HAPLN1: variants seen among roughly 807,000 people sequenced by gnomAD.
HAPLN1 encodes hyaluronan and proteoglycan link protein 1, also known as Cartilage link protein.
Under a neutral mutation model 36.5 loss-of-function variants are expected in HAPLN1, and 13 were observed. The observed-to-expected ratio is 0.36, with a 90% CI of 0.23 to 0.57. The LOEUF is 0.57. Among genes scored for constraint, HAPLN1 ranks in the 20% least tolerant of loss-of-function variants. The pLI is 0.83. For missense variants in HAPLN1, 407 were observed against 439.7 expected (o/e 0.93, Z 0.66); for synonymous variants, 202 against 169.8 (o/e 1.19, Z -1.48).
At chr5:83,657,676 A>T (rs901970718) in intron 2 of HAPLN1, among the ~76,000 whole-genome samples, 15 of 152,134 alleles carry the variant, frequency 9.9e-5, no homozygotes, top group African/African-American at 3.6e-4. Context: ...AATGTTAAAA[A>T]ACAAGTTTGT....
chr5:83,659,053 C>T (rs138241097), intron 2 of HAPLN1, among the ~76,000 whole-genome samples: 235 of 152,204 alleles, frequency 1.5e-3, no homozygotes, highest in African/African-American at 5.3e-3. Context: ...GTAGGTGGAT[C>T]ACCTGAGGTC....
intron 1 of HAPLN1, 97 bp from the exon 2 acceptor site, chr5:83,673,646 G>A (rs1482083770): frequency 2.0e-5 from 14 of 705,900 alleles, no homozygotes; most frequent in Non-Finnish European, 2.4e-6. Context: ...CATAGAATGG[G>A]TCTGTAAAAA....
chr5:83,660,238 T>A (rs955105954), intron 2 of HAPLN1, among the ~76,000 whole-genome samples: 2 of 152,162 alleles, frequency 1.3e-5, no homozygotes, highest in African/African-American at 4.8e-5. Context: ...GGGAAACTGC[T>A]CAATACCAAA....
At chr5:83,650,030 G>A (rs1368317486) in intron 3 of HAPLN1, among the ~76,000 whole-genome samples, 1 of 152,182 alleles carries the variant, frequency 6.6e-6, no homozygotes, top group East Asian at 1.9e-4. Flanking sequence ...CAGCTACCAC[G>A]AGCACAGGAC....
At chr5:83,710,820 A>G (rs1387623099) in intron 1 of HAPLN1, among the ~76,000 whole-genome samples, 3 of 151,968 alleles carry the variant, frequency 2.0e-5, no homozygotes, top group African/African-American at 7.3e-5. Context: ...GTGTGGTGGC[A>G]GGCGCCTGTA....
intron 1 of HAPLN1, among the ~76,000 whole-genome samples, chr5:83,696,766 C>T (rs980246356): frequency 6.6e-6 from 1 of 152,052 alleles, no homozygotes; most frequent in Non-Finnish European, 1.5e-5. Context: ...TTTCTTTGCT[C>T]TAATTACAAA....
rs936466055 is a variant in HAPLN1, at chr5:83,691,770, A to C, written c.-26-18221T>G. ...ATAATAATAGTAATAATAATAATAA[A>C]GAGAAAACTTAGTCAATGGGCAGAC... is the stretch of plus-strand genomic sequence containing the variant. On this transcript the variant is annotated intron_variant, in intron 1 of 4. Coordinates refer to ENST00000274341, the MANE Select transcript of HAPLN1 (RefSeq NM_001884.4). Among the ~76,000 whole-genome samples, 3 of 151,990 alleles carry C rather than the reference A, an allele frequency of 2.0e-5. No homozygotes were observed. The East Asian group carries it at 5.8e-4, about 29-fold the overall frequency.
At chr5:83,701,359 A>C (rs1216903187) in intron 1 of HAPLN1, among the ~76,000 whole-genome samples, 4 of 152,262 alleles carry the variant, frequency 2.6e-5, no homozygotes, top group Non-Finnish European at 4.4e-5. Context: ...GAATTTCCTA[A>C]TAAGTCATCT....
In HAPLN1 at chr5:83,684,058, A is replaced by G. The variant is rs551782802; in HGVS notation, c.-26-10509T>C. On this transcript the variant is annotated intron_variant, in intron 1 of 4. Coordinates refer to ENST00000274341, the MANE Select transcript of HAPLN1 (RefSeq NM_001884.4). ...AAGAGGCCAAGGAGTAGTGTTCTTT[A>G]GTGGTAATGAACATCTGCGAAGAGA... is the stretch of plus-strand genomic sequence containing the variant. 1.8e-4 allele frequency among the ~76,000 whole-genome samples: 27 copies of G among 152,246 alleles called. 1 individual carries two copies. The South Asian group carries it at 3.9e-3, about 22-fold the overall frequency.
intron 1 of HAPLN1, among the ~76,000 whole-genome samples, chr5:83,676,805 T>G (rs1316025106): frequency 6.6e-6 from 1 of 152,168 alleles, no homozygotes; most frequent in Admixed American, 6.5e-5. Context: ...AATTCACACA[T>G]TGAAGGTCTC....
intron 2 of HAPLN1, among the ~76,000 whole-genome samples, chr5:83,664,591 C>T (rs908991148): frequency 6.6e-6 from 1 of 152,104 alleles, no homozygotes; most frequent in African/African-American, 2.4e-5. Flanking sequence ...CCATGTTGGC[C>T]AGGCTGGTCT....
At chr5:83,679,151 A>G (rs567136867) in intron 1 of HAPLN1, among the ~76,000 whole-genome samples, 1 of 152,320 alleles carries the variant, frequency 6.6e-6, no homozygotes, top group Admixed American at 6.5e-5. Context: ...AATCTCTAAG[A>G]ATACCTTAGC....
At chr5:83,696,694 G>C (rs977784920) in intron 1 of HAPLN1, among the ~76,000 whole-genome samples, 4 of 152,022 alleles carry the variant, frequency 2.6e-5, no homozygotes, top group Non-Finnish European at 5.9e-5. Flanking sequence ...TCTTGCCTGT[G>C]TATAATTTTA....
intron 1 of HAPLN1, among the ~76,000 whole-genome samples, chr5:83,719,440 A>G (rs549488325): frequency 6.6e-6 from 1 of 152,230 alleles, no homozygotes; most frequent in African/African-American, 2.4e-5. Context: ...GGTCATCAAC[A>G]AAAGTATAAA....
intron 2 of HAPLN1, among the ~76,000 whole-genome samples, chr5:83,657,775 G>A (rs1164742548): frequency 2.0e-5 from 3 of 150,460 alleles, no homozygotes; most frequent in African/African-American, 7.3e-5. Context: ...CTAGACTCGA[G>A]ACTTTTGGAT....
At chr5:83,677,363 T>G (rs1750883954) in intron 1 of HAPLN1, among the ~76,000 whole-genome samples, 1 of 152,224 alleles carries the variant, frequency 6.6e-6, no homozygotes, top group African/African-American at 2.4e-5. Context: ...TGACGAGTGC[T>G]GTCGGCTCTC....
At chr5:83,662,792 A>G (rs532860437) in intron 2 of HAPLN1, among the ~76,000 whole-genome samples, 1 of 152,296 alleles carries the variant, frequency 6.6e-6, no homozygotes, top group South Asian at 2.1e-4. Flanking sequence ...GACCACTTCC[A>G]CTTTGTGGTA....
chr5:83,720,633 G>A (rs1256292579), intron 1 of HAPLN1, among the ~76,000 whole-genome samples, 156 bp downstream of exon 1: 1 of 152,178 alleles, frequency 6.6e-6, no homozygotes, highest in Admixed American at 6.5e-5. Context: ...TTTTTTAAAA[G>A]TTGAGGTGTC....
chr5:83,710,591 G>T (rs1751757804), intron 1 of HAPLN1, among the ~76,000 whole-genome samples: 1 of 151,964 alleles, frequency 6.6e-6, no homozygotes, highest in South Asian at 2.1e-4. Flanking sequence ...ATTGACAGAA[G>T]GTATGTGACA....
Sources: gnomAD v4.1 joint callset for allele counts (sites outside exome capture counted in the v4.1 genomes callset) on GRCh38, gnomAD v4.1.1 for gene constraint, MANE v1.5 for transcripts, NCBI Gene and HGNC (gene_info 2026-07-23, HGNC 2026-07-21) for gene names.